The following ZNF606 variants were observed in gnomAD, a reference collection of about 807,000 sequenced individuals.
ZNF606 encodes the protein zinc finger protein 328.
A neutral mutation model predicts 74.9 loss-of-function variants in ZNF606; 37 were observed. That is an observed-to-expected ratio of 0.49 (90% CI 0.38 to 0.65). The LOEUF (loss-of-function observed/expected upper bound fraction) is 0.65. ZNF606 is among the 30% of genes least tolerant of loss of function. ZNF606 has a pLI of 0.00. For synonymous variants in ZNF606, 328 were observed against 312.4 expected (o/e 1.05, Z -0.53); for missense variants, 852 against 952.9 (o/e 0.89, Z 1.39).
chr19:57,994,009 A>C (rs1157164655), intron 4 of ZNF606, among the ~76,000 whole-genome samples: 3 of 152,244 alleles, frequency 2.0e-5, no homozygotes, highest in Non-Finnish European at 4.4e-5. Context: ...GCACAGATAA[A>C]GCGACTGAAC....
intron 6 of ZNF606, among the ~76,000 whole-genome samples, chr19:57,986,810 G>A (rs117590284): frequency 0.02 from 3,023 of 152,266 alleles, 54 homozygotes; most frequent in Non-Finnish European, 0.034. Flanking sequence ...AGGGCCAGGC[G>A]TGGTGGCTCA....
intron 3 of ZNF606, chr19:58,000,423 C>T: frequency 1.7e-6 from 1 of 578,548 alleles, no homozygotes; most frequent in East Asian, 2.9e-5. Context: ...GACGGGGTTT[C>T]ACCGTGTTAG....
intron 2 of ZNF606, among the ~76,000 whole-genome samples, 158 bp from the exon 3 acceptor site, chr19:58,000,897 G>A (rs763046307): frequency 6.6e-6 from 1 of 152,146 alleles, no homozygotes; most frequent in Non-Finnish European, 1.5e-5. Flanking sequence ...GATTCACACA[G>A]GCAATGCACA....
At chr19:57,991,376 C>T (rs938927257) in intron 4 of ZNF606, among the ~76,000 whole-genome samples, 24 of 152,196 alleles carry the variant, frequency 1.6e-4, no homozygotes, top group African/African-American at 5.1e-4. Flanking sequence ...CCACAACCTC[C>T]CTCTATGAAA....
At chr19:57,992,450 C>T (rs926999410) in intron 4 of ZNF606, among the ~76,000 whole-genome samples, 1 of 152,200 alleles carries the variant, frequency 6.6e-6, no homozygotes, top group African/African-American at 2.4e-5. Context: ...GATGGAGGAA[C>T]TTATTCAATG....
At chr19:57,997,289 C>T (rs1371676644) in intron 4 of ZNF606, 1 of 152,050 alleles carries the variant, frequency 6.6e-6, no homozygotes, top group Non-Finnish European at 1.5e-5. Context: ...TATTATTTTC[C>T]CCTATTCCTA....
chr19:57,996,327 C>A (rs904437712), intron 4 of ZNF606, among the ~76,000 whole-genome samples: 9 of 152,126 alleles, frequency 5.9e-5, no homozygotes, highest in African/African-American at 2.2e-4. Flanking sequence ...CATGGTGAAA[C>A]CCTGTCTCGA....
upstream of ZNF606, chr19:58,003,123 G>A (rs1278872053): frequency 2.4e-6 from 1 of 418,018 alleles, no homozygotes; most frequent in East Asian, 7.2e-5. Flanking sequence ...CCCGGGAGGA[G>A]CTCGGCGAGT....
At chr19:57,986,698 T>A (rs895484363) in intron 6 of ZNF606, among the ~76,000 whole-genome samples, 1 of 152,122 alleles carries the variant, frequency 6.6e-6, no homozygotes, top group Non-Finnish European at 1.5e-5. Context: ...CAAAACAGCA[T>A]AAAAGGAGGA....
At position 57,996,363 on chromosome 19, in the gene ZNF606, T is replaced by C. The variant is rs144272591; in HGVS notation, c.177+3445A>G. 5.9e-3 allele frequency among the ~76,000 whole-genome samples: 891 copies of C among 152,246 alleles called. 3 individuals carry two copies. The highest frequency in any genetic ancestry group is 1.0e-2 in the Non-Finnish European group (678 of 68,020). On this transcript the variant is annotated intron_variant, in intron 4 of 6. Coordinates refer to ENST00000551380, the MANE Select transcript of ZNF606 (RefSeq NM_001348022.3). Reference sequence around the variant, plus strand: ...TTAAAAATACAAAAATTAGCCAGTGTGGTGGCACACACCTGTAATCTCAGC... The same window carrying C: ...TTAAAAATACAAAAATTAGCCAGTGCGGTGGCACACACCTGTAATCTCAGC...
At chr19:57,995,867 G>A (rs971809530) in intron 4 of ZNF606, among the ~76,000 whole-genome samples, 5 of 152,146 alleles carry the variant, frequency 3.3e-5, no homozygotes, top group Non-Finnish European at 7.3e-5. Context: ...ATCTATGTAT[G>A]CATATGAAAA....
At position 57,979,818 on chromosome 19, in the gene ZNF606, G is replaced by T. The variant is rs1404811730; in HGVS notation, c.862C>A (p.Leu288Ile). The change falls in exon 7 of 7, where the codon CTT becomes ATT. Residue 288 changes from leucine to isoleucine, a missense_variant. By Grantham distance (5) the Leu-to-Ile change is conservative. Coordinates refer to ENST00000551380, the MANE Select transcript of ZNF606 (RefSeq NM_001348022.3). The part of the protein sequence containing the change: ...YPARIQTGDN[L>I]FKCTDAVKSF... ...TTAACAGCATCAGTACATTTGAAAA[G>T]ATTATCTCCAGTTTGTATTCTTGCA... 1 of 1,613,314 alleles carries T rather than the reference G, an allele frequency of 6.2e-7. No homozygotes were observed. Among genetic ancestry groups the T allele is most frequent in the Non-Finnish European group, 8.5e-7 (1 of 1,179,992 alleles).
At chr19:57,981,699 G>C (rs1321218080) in intron 6 of ZNF606, among the ~76,000 whole-genome samples, 2 of 152,188 alleles carry the variant, frequency 1.3e-5, no homozygotes, top group African/African-American at 4.8e-5. Flanking sequence ...ACAGAATCCA[G>C]TCAATCACAC....
At chr19:57,990,880 C>T (rs1237275537) in intron 4 of ZNF606, among the ~76,000 whole-genome samples, 2 of 151,110 alleles carry the variant, frequency 1.3e-5, no homozygotes, top group African/African-American at 4.8e-5. Flanking sequence ...AAGTCAACTC[C>T]TGCTCAAGAC....
chr19:57,988,568 C>T (rs750486725), intron 5 of ZNF606, 27 bp downstream of exon 5: 28 of 1,604,204 alleles, frequency 1.7e-5, no homozygotes, highest in South Asian at 1.7e-4. Context: ...GGAACAGCTT[C>T]GTTTACTTGG....
At chr19:57,981,875 G>T (rs2073090330) in intron 6 of ZNF606, among the ~76,000 whole-genome samples, 1 of 152,212 alleles carries the variant, frequency 6.6e-6, no homozygotes, top group Non-Finnish European at 1.5e-5. Flanking sequence ...ATCTGTATGT[G>T]AACAATGGCC....
chr19:57,988,169 G>C (rs749278421), intron 6 of ZNF606, 38 bp downstream of exon 6: 18 of 1,558,356 alleles, frequency 1.2e-5, no homozygotes, highest in East Asian at 1.1e-4. Context: ...AGAGGGCTTG[G>C]GGGGAAGTTC....
In ZNF606 at chr19:57,978,727, G is replaced by C. The variant is rs551178009; in HGVS notation, c.1953C>G (p.Pro651=). Residue 651 remains proline (P), a synonymous_variant, in exon 7 of 7, where the codon CCC becomes CCG. Transcript: ENST00000551380. The surrounding 1 kb of genome is among the most constrained non-coding windows in gnomAD (Gnocchi z 4.4). ...RHQRTHTGEK[P]YECNKCGKSF... ...ATTTTCCACATTTATTGCATTCATA[G>C]GGTTTTTCTCCAGTATGAGTCCTTT... 3 of 1,614,144 alleles carry C rather than the reference G, an allele frequency of 1.9e-6. No homozygotes were observed. Among genetic ancestry groups the C allele is most frequent in the African/African-American group, 1.3e-5 (1 of 75,032 alleles).
intron 6 of ZNF606, among the ~76,000 whole-genome samples, chr19:57,980,924 T>A (rs1000728691): frequency 6.6e-6 from 1 of 152,068 alleles, no homozygotes. Context: ...GTTTCCTAAC[T>A]GGCCCTTAGC....
Sources: allele counts gnomAD v4.1 joint callset (sites outside exome capture counted in the v4.1 genomes callset), GRCh38; gene constraint gnomAD v4.1.1; non-coding constraint Gnocchi (gnomAD v3.1); transcripts MANE v1.5; gene names NCBI Gene and HGNC (gene_info 2026-07-23, HGNC 2026-07-21).